The following CES1 variants were observed in gnomAD, a reference collection of about 807,000 sequenced individuals.
CES1 encodes the protein carboxylesterase 1.
Under a neutral mutation model 53.0 loss-of-function variants are expected in CES1, and 50 were observed. That is an observed-to-expected ratio of 0.94 (90% CI 0.75 to 1.19). The LOEUF (loss-of-function observed/expected upper bound fraction) is 1.19. Ranked by LOEUF, CES1 falls within the 50% of genes most tolerant of loss-of-function variation. The pLI, the probability that CES1 is intolerant of heterozygous loss-of-function variation, is 0.00. For missense variants in CES1, 534 were observed against 538.0 expected (o/e 0.99, Z 0.07); for synonymous variants, 202 against 210.1 (o/e 0.96, Z 0.33).
chr16:55,813,276 A>G (rs1415855737), intron 8 of CES1, among the ~76,000 whole-genome samples: 1 of 152,226 alleles, frequency 6.6e-6, no homozygotes, highest in Admixed American at 6.5e-5. Context: ...CTTCACTCAT[A>G]TTGAAATACA....
At chr16:55,818,242 C>T (rs1212562111) in intron 7 of CES1, among the ~76,000 whole-genome samples, 1 of 152,216 alleles carries the variant, frequency 6.6e-6, no homozygotes, top group Non-Finnish European at 1.5e-5. Context: ...TCCTCCTGGT[C>T]TTCCCTGTGA....
At chr16:55,816,402 G>A (rs1436421571) in intron 8 of CES1, among the ~76,000 whole-genome samples, 1 of 152,220 alleles carries the variant, frequency 6.6e-6, no homozygotes, top group Non-Finnish European at 1.5e-5. Flanking sequence ...GAGAGGACAG[G>A]ATTGTAAGAT....
chr16:55,816,000 C>A (rs1227164771), intron 8 of CES1, among the ~76,000 whole-genome samples: 1 of 152,302 alleles, frequency 6.6e-6, no homozygotes, highest in Non-Finnish European at 1.5e-5. Flanking sequence ...AGGGTCTTTG[C>A]AGTGACTGTT....
At chr16:55,828,316 T>C (rs2032496021) in intron 2 of CES1, 1 of 320,632 alleles carries the variant, frequency 3.1e-6, no homozygotes, top group African/African-American at 2.2e-5. Flanking sequence ...CCCACACACC[T>C]CCTGGCCCAC....
rs372089124 is a variant in CES1 at position 55,812,942 on chromosome 16, G to A, written c.1047C>T (p.Val349=). 10 of 1,614,058 alleles carry A rather than the reference G, an allele frequency of 6.2e-6. No homozygotes were observed. The highest frequency in any genetic ancestry group is 3.3e-5 in the Admixed American group (2 of 60,016). Residue 349 remains valine, a synonymous_variant, in exon 9 of 14, where the codon GTC becomes GTT. Transcript: ENST00000360526. ...ERNFHTVPYM[V]GINKQEFGWL... ...AGCCAAACTCCTGCTTGTTAATTCCGACCATGTAGGGGACAGTGTGGAAAT... is the reference window on the plus strand; with the variant it reads ...AGCCAAACTCCTGCTTGTTAATTCCAACCATGTAGGGGACAGTGTGGAAAT...
At chr16:55,821,825 G>C (rs1261601564) in intron 4 of CES1, among the ~76,000 whole-genome samples, 2 of 152,138 alleles carry the variant, frequency 1.3e-5, no homozygotes, top group Non-Finnish European at 1.5e-5. Context: ...ATCACAAGCA[G>C]ATAAACAGAT....
chr16:55,819,489 TG>T, intron 7 of CES1, 45 bp downstream of exon 7: 1 of 1,419,904 alleles, frequency 7.0e-7, no homozygotes, highest in Non-Finnish European at 1.0e-6. Flanking sequence ...TGAAGAAGTC[TG>T]GGACCAAGTT....
In CES1 at chr16:55,816,933, G is replaced by C. The variant is rs762083414; in HGVS notation, c.936C>G (p.Asp312Glu). The change falls in exon 8 of 14, where the codon GAC becomes GAG. Residue 312 changes from aspartate (D) to glutamate (E), a missense_variant. By Grantham distance (45) the Asp-to-Glu change is conservative. Coordinates refer to ENST00000360526, the MANE Select transcript of CES1 (RefSeq NM_001025195.2). ...MKFLSLDLQG[D>E]PRESQPLLGT... is the part of the protein sequence containing the mutation. ...AACAAAAGGTCCTTACCTCTCTGGGGTCTCCCTGTAAGTCCAGAGATAAGA... is the reference window on the plus strand; with the variant it reads ...AACAAAAGGTCCTTACCTCTCTGGGCTCTCCCTGTAAGTCCAGAGATAAGA... The C allele has an allele frequency of 3.7e-6, 6 of 1,614,094 alleles. No homozygotes were observed. The highest frequency in any genetic ancestry group is 5.1e-6 in the Non-Finnish European group (6 of 1,179,960).
At chr16:55,826,845 C>T (rs2032437766) in intron 2 of CES1, among the ~76,000 whole-genome samples, 1 of 152,192 alleles carries the variant, frequency 6.6e-6, no homozygotes, top group African/African-American at 2.4e-5. Context: ...TGAAAGATCT[C>T]AAGGATGCAA....
intron 3 of CES1, 31 bp downstream of exon 3, chr16:55,826,120 C>T: frequency 6.2e-7 from 1 of 1,613,908 alleles, no homozygotes. Context: ...CTGGCACTGA[C>T]ACGCCTTGAC....
rs752543089 is a variant in CES1, at chr16:55,821,518, T to C, written c.543A>G (p.Thr181=). ...AGTTCCCCCGGCTGTGTTCATCCCC[T>C]GTGCTGTGAGGAAGAGAACAGGTTG... ...YRLGIWGFFS[T]GDEHSRGNWG... is the part of the protein sequence containing the mutation. Residue 181 remains threonine (T), a synonymous_variant, in exon 5 of 14, where the codon ACA becomes ACG. Transcript: ENST00000360526. 2.0e-5 allele frequency: 33 copies of C among 1,614,054 alleles called. No homozygotes were observed. The highest frequency in any genetic ancestry group is 2.5e-5 in the Non-Finnish European group (30 of 1,180,024).
rs1189709538 is a variant in CES1 at position 55,833,038 on chromosome 16, A to G, written c.18T>C (p.Phe6=). The G allele has an allele frequency of 6.4e-7, 1 of 1,556,300 alleles. No individual in the cohort carries two copies. The highest frequency in any genetic ancestry group is 8.8e-7 in the Non-Finnish European group (1 of 1,138,244). ...CGGAAGCAGAGAGAGTGGCCAGGAT[A>G]AAGGCACGGAGCCACATCGTGGAAG... is the stretch of plus-strand genomic sequence containing the variant. MWLRA[F]ILATLSASAA... Residue 6 remains phenylalanine, a synonymous_variant, in exon 1 of 14, where the codon TTT becomes TTC. Coordinates refer to ENST00000360526, the MANE Select transcript of CES1 (RefSeq NM_001025195.2).
intron 1 of CES1, among the ~76,000 whole-genome samples, chr16:55,831,836 C>A (rs1237122805): frequency 6.6e-6 from 1 of 150,878 alleles, no homozygotes; most frequent in Non-Finnish European, 1.5e-5. Context: ...TTCGGGTTGA[C>A]CCTGGGCAAG....
At chr16:55,813,955 C>G (rs1417137384) in intron 8 of CES1, among the ~76,000 whole-genome samples, 1 of 152,230 alleles carries the variant, frequency 6.6e-6, no homozygotes, top group Admixed American at 6.5e-5. Context: ...TTCCCCTGCT[C>G]TGTACCTGCC....
intron 2 of CES1, among the ~76,000 whole-genome samples, chr16:55,827,468 G>A (rs1208263394): frequency 6.6e-6 from 1 of 152,020 alleles, no homozygotes; most frequent in Admixed American, 6.6e-5. Flanking sequence ...TCTGCCAAAT[G>A]GAGATGTTCA....
intron 11 of CES1, among the ~76,000 whole-genome samples, chr16:55,809,212 C>T (rs542395611): frequency 3.3e-5 from 5 of 150,972 alleles, no homozygotes; most frequent in Middle Eastern, 3.5e-3. Flanking sequence ...ATAGTTCAGA[C>T]GCAGAGCATA....
chr16:55,821,323 C>T, intron 5 of CES1, 45 bp downstream of exon 5: 1 of 1,612,962 alleles, frequency 6.2e-7, no homozygotes, highest in Middle Eastern at 1.7e-4. Flanking sequence ...GTCTCATCAG[C>T]ATCACATCAA....
intron 4 of CES1, among the ~76,000 whole-genome samples, chr16:55,823,220 C>G (rs1326093770): frequency 6.6e-6 from 1 of 151,648 alleles, no homozygotes; most frequent in East Asian, 1.9e-4. Flanking sequence ...AGTGTCATGA[C>G]AGAGAAAAGC....
intron 8 of CES1, among the ~76,000 whole-genome samples, chr16:55,815,278 G>A (rs2031889356): frequency 6.6e-6 from 1 of 152,198 alleles, no homozygotes; most frequent in Non-Finnish European, 1.5e-5. Context: ...CTAACTCCAT[G>A]GAGGGAAGGG....
Sources: allele counts gnomAD v4.1 joint callset (sites outside exome capture counted in the v4.1 genomes callset), GRCh38; gene constraint gnomAD v4.1.1; transcripts MANE v1.5; gene names NCBI Gene and HGNC (gene_info 2026-07-23, HGNC 2026-07-21).